HCLS1: variants seen among roughly 807,000 people sequenced by gnomAD.
HCLS1 encodes hematopoietic cell-specific Lyn substrate 1.
A neutral mutation model predicts 68.6 loss-of-function variants in HCLS1; 44 were observed. That is an observed-to-expected ratio of 0.64 (90% CI 0.50 to 0.82). HCLS1 has a LOEUF of 0.82. HCLS1 is among the 40% of genes least tolerant of loss of function. The pLI, the probability that HCLS1 is intolerant of heterozygous loss-of-function variation, is 0.00. For missense variants in HCLS1, 602 were observed against 612.1 expected (o/e 0.98, Z 0.17); for synonymous variants, 217 against 225.8 (o/e 0.96, Z 0.35).
chr3:121,642,651 T>C (rs563680377), intron 6 of HCLS1, among the ~76,000 whole-genome samples: 50 of 151,850 alleles, frequency 3.3e-4, no homozygotes, highest in Non-Finnish European at 3.7e-4. Flanking sequence ...TGGTGCACAC[T>C]TGTAGTCACA....
intron 3 of HCLS1, chr3:121,654,062 A>T (rs552633362): frequency 1.7e-4 from 26 of 152,252 alleles, no homozygotes; most frequent in African/African-American, 6.3e-4. Context: ...CCCACTACTG[A>T]TCAGCACTGG....
intron 3 of HCLS1, among the ~76,000 whole-genome samples, chr3:121,648,475 C>T (rs997829494): frequency 3.3e-5 from 5 of 152,070 alleles, no homozygotes; most frequent in Non-Finnish European, 7.4e-5. Flanking sequence ...TATAAGGATC[C>T]GGGGATTCTT....
intron 6 of HCLS1, among the ~76,000 whole-genome samples, chr3:121,641,448 T>A (rs1030760992): frequency 2.6e-5 from 4 of 152,160 alleles, no homozygotes; most frequent in African/African-American, 9.7e-5. Flanking sequence ...AACAATGAAA[T>A]ACAATAAGCA....
intron 1 of HCLS1, among the ~76,000 whole-genome samples, 178 bp from the exon 2 acceptor site, chr3:121,658,525 T>A (rs1937922551): frequency 2.0e-5 from 3 of 152,108 alleles, no homozygotes; most frequent in Admixed American, 6.5e-5. Flanking sequence ...TTCTGCTCAG[T>A]TACAAGATGA....
rs765174683 is a variant in HCLS1, at chr3:121,647,400, C to T, written c.207G>A (p.Arg69=). The T allele has an allele frequency of 6.2e-6, 10 of 1,614,092 alleles. No homozygotes were observed. The South Asian group carries it at 1.1e-4, about 18-fold the overall frequency. ...NKVSEEHDVL[R]KKEMESGPKA... ...TGGGCCCTGACTCCATCTCTTTCTTCCTGAGAACATCATGCTCCTCTGATA... is the reference window on the plus strand; with the variant it reads ...TGGGCCCTGACTCCATCTCTTTCTTTCTGAGAACATCATGCTCCTCTGATA... The change falls in exon 4 of 14, where the codon AGG becomes AGA. Residue 69 remains arginine (R), a synonymous_variant. Coordinates refer to ENST00000314583, the MANE Select transcript of HCLS1 (RefSeq NM_005335.6).
At chr3:121,645,834 T>A (rs1187264168) in intron 4 of HCLS1, among the ~76,000 whole-genome samples, 1 of 147,172 alleles carries the variant, frequency 6.8e-6, no homozygotes, top group Non-Finnish European at 1.5e-5. Context: ...GCAAAATTTT[T>A]AAATATACTT....
rs572798770 is a variant in HCLS1, at chr3:121,659,983, A to C, written c.-1+837T>G. ...CTTGACCTATTGACCAGAAACCAGA[A>C]AGGTAAGAAGTGCTATCTAGAGGTG... On this transcript the variant is annotated intron_variant, in intron 1 of 13. Coordinates refer to ENST00000314583, the MANE Select transcript of HCLS1 (RefSeq NM_005335.6). 1.6e-4 allele frequency among the ~76,000 whole-genome samples: 24 copies of C among 152,254 alleles called. 1 individual carries two copies. The South Asian group carries it at 4.4e-3, about 28-fold the overall frequency.
chr3:121,654,211 T>C (rs6791882), intron 3 of HCLS1: 30,244 of 152,278 alleles, frequency 0.2, 3,664 homozygotes, highest in East Asian at 0.46. Context: ...TAGAGCACTA[T>C]AGCCCAGAAC....
At chr3:121,635,885 G>T in intron 8 of HCLS1, 81 bp from the exon 9 acceptor site, 1 of 1,075,634 alleles carries the variant, frequency 9.3e-7, no homozygotes, top group Non-Finnish European at 1.4e-6. Context: ...GGGGGTTGGG[G>T]GCCACTATAA....
intron 1 of HCLS1, among the ~76,000 whole-genome samples, chr3:121,659,777 A>T (rs975819936): frequency 6.6e-6 from 1 of 152,102 alleles, no homozygotes; most frequent in African/African-American, 2.4e-5. Context: ...CAACAAAAGG[A>T]CTGTCACACA....
chr3:121,655,268 G>T (rs1199392054), intron 3 of HCLS1, among the ~76,000 whole-genome samples: 1 of 152,094 alleles, frequency 6.6e-6, no homozygotes, highest in Non-Finnish European at 1.5e-5. Context: ...CTGTTTACAT[G>T]TTTGTTAGAT....
chr3:121,635,842 G>A (rs565135639), intron 8 of HCLS1, 38 bp from the exon 9 acceptor site: 43 of 1,575,952 alleles, frequency 2.7e-5, no homozygotes, highest in African/African-American at 1.2e-4. Context: ...TGCGGGAGAG[G>A]GGCAAGGGTA....
At chr3:121,646,389 T>TAA in intron 4 of HCLS1, among the ~76,000 whole-genome samples, 1 of 57,094 alleles carries the variant, frequency 1.8e-5, no homozygotes, top group South Asian at 5.4e-4. Flanking sequence ...ATGTAATATA[T>TAA]TACTATGTAA....
rs1171442963 is a variant in HCLS1 at position 121,655,960 on chromosome 3, T to A, written c.158+1319A>T. ...GCCTCCTGGGTTCAAGAGACTCTCGTGCTTCGGCCTCCTGAGTAGCTGGGA... is the reference window on the plus strand; with the variant it reads ...GCCTCCTGGGTTCAAGAGACTCTCGAGCTTCGGCCTCCTGAGTAGCTGGGA... On this transcript the variant is annotated intron_variant, in intron 3 of 13. Coordinates refer to ENST00000314583, the MANE Select transcript of HCLS1 (RefSeq NM_005335.6). 3 of 151,912 alleles carry A rather than the reference T, an allele frequency of 2.0e-5. No homozygotes were observed. In the East Asian group the frequency reaches 5.8e-4, roughly 29 times the overall value. 9.4% of individuals were successfully genotyped at this position (151,912 alleles called of 1,614,324 possible).
At chr3:121,634,056 G>A in intron 10 of HCLS1, 151 bp downstream of exon 10, 1 of 1,371,034 alleles carries the variant, frequency 7.3e-7, no homozygotes, top group South Asian at 1.5e-5. Flanking sequence ...TCCAATTACA[G>A]TCAGACTGAA....
chr3:121,644,363 T>C, intron 5 of HCLS1: 1 of 295,802 alleles, frequency 3.4e-6, no homozygotes, highest in South Asian at 3.2e-5. Flanking sequence ...CATAGATTGA[T>C]GCTAAATTCT....
chr3:121,632,022 T>C, intron 13 of HCLS1, 40 bp from the exon 14 acceptor site: 1 of 1,613,962 alleles, frequency 6.2e-7, no homozygotes, highest in Non-Finnish European at 8.5e-7. Flanking sequence ...TGGTCAGACA[T>C]GAATCTCTTT....
At chr3:121,659,049 A>G (rs1300063977) in intron 1 of HCLS1, among the ~76,000 whole-genome samples, 4 of 152,250 alleles carry the variant, frequency 2.6e-5, no homozygotes, top group African/African-American at 9.6e-5. Flanking sequence ...TGCTAAAGTC[A>G]AAAAATAGCA....
intron 8 of HCLS1, 116 bp downstream of exon 8, chr3:121,636,318 T>C (rs1294173382): frequency 4.8e-6 from 4 of 829,202 alleles, no homozygotes; most frequent in Non-Finnish European, 8.2e-6. Context: ...CAGGACAGGC[T>C]CTGTGTGCCC....
Sources: gnomAD v4.1 joint callset for allele counts (sites outside exome capture counted in the v4.1 genomes callset) on GRCh38, gnomAD v4.1.1 for gene constraint, MANE v1.5 for transcripts, NCBI Gene and HGNC (gene_info 2026-07-23, HGNC 2026-07-21) for gene names.